PLXNA4: variants seen among roughly 807,000 people sequenced by gnomAD.
The protein encoded by PLXNA4 is plexin A4, also known as plexin-A4.
PLXNA4 carries 44 observed loss-of-function variants against 191.8 expected under a neutral mutation model. That is an observed-to-expected ratio of 0.23 (90% confidence interval 0.18 to 0.29). The LOEUF is 0.29. Ranked by LOEUF, PLXNA4 falls within the 10% of genes least tolerant of loss-of-function variation. The probability of loss-of-function intolerance (pLI) is 1.00; values close to 1 mark genes in which losing one functional copy is unlikely to be tolerated. For missense variants in PLXNA4, 1,800 were observed against 2,488.8 expected, an observed-to-expected ratio of 0.72 and a Z score of 5.89; for synonymous variants, 1,082 against 1,009.5, an observed-to-expected ratio of 1.07 and a Z score of -1.36.
Position 132,215,509 on chromosome 7 carries a change from C to T in PLXNA4, c.2098-4366G>A, listed in dbSNP as rs150451448. On this transcript the variant is annotated intron_variant, in intron 9 of 31. Transcript: ENST00000321063. ...TTCTGAATGATTGGTGGAAAAGGAG[C>T]ATCTTTTGTTATTCACAGCAAGCCC... 6.6e-5 allele frequency among the ~76,000 whole-genome samples: 10 copies of T among 152,322 alleles called. No individual in the cohort carries two copies. The East Asian group carries it at 1.7e-3, about 26-fold the overall frequency.
chr7:132,287,930 T>C (rs968790491), intron 4 of PLXNA4, among the ~76,000 whole-genome samples: 1 of 152,190 alleles, frequency 6.6e-6, no homozygotes, highest in Non-Finnish European at 1.5e-5. Context: ...TCTGCACTGC[T>C]CCACCACCCC....
chr7:132,638,093 A>T lies in PLXNA4; in HGVS notation c.-87+7835T>A, dbSNP rs1296669324. On this transcript the variant is annotated intron_variant, in intron 2 of 4. Transcript: ENST00000378539. Reference sequence around the variant, plus strand: ...CAGGCTGAAGCCTGGGCTCTCATCCACCCCTAGGGTCTGTGCTGCCACAAC... The same window carrying T: ...CAGGCTGAAGCCTGGGCTCTCATCCTCCCCTAGGGTCTGTGCTGCCACAAC... 4.0e-5 allele frequency among the ~76,000 whole-genome samples: 6 copies of T among 151,610 alleles called. No homozygotes were observed. The South Asian group carries it at 1.0e-3, about 26-fold the overall frequency.
intron 12 of PLXNA4, among the ~76,000 whole-genome samples, chr7:132,202,374 G>C (rs1797466042): frequency 6.6e-6 from 1 of 152,178 alleles, no homozygotes; most frequent in African/African-American, 2.4e-5. Context: ...CGAGGACTGA[G>C]TCCTTTTTGA....
At chr7:132,437,283 T>A (rs1485432624) in intron 3 of PLXNA4, among the ~76,000 whole-genome samples, 2 of 152,142 alleles carry the variant, frequency 1.3e-5, no homozygotes, top group Non-Finnish European at 2.9e-5. Flanking sequence ...TCCTGAAAAG[T>A]CCAGGCCTGT....
At chr7:132,187,717 G>T (rs1796926419) in intron 14 of PLXNA4, 110 bp from the exon 15 acceptor site, 8 of 1,462,126 alleles carry the variant, frequency 5.5e-6, no homozygotes, top group Non-Finnish European at 7.2e-6. Context: ...GGAATCTTTG[G>T]TAACAGTGGT....
chr7:132,361,849 G>A (rs778199406), intron 3 of PLXNA4, among the ~76,000 whole-genome samples: 23 of 152,074 alleles, frequency 1.5e-4, no homozygotes, highest in Admixed American at 5.2e-4. Context: ...GCACGCGTGC[G>A]TGAAAAAAAG....
chr7:132,124,239 C>A lies in PLXNA4; in HGVS notation c.*6240G>T, dbSNP rs981162868. The A allele has an allele frequency of 6.6e-6, 1 of 152,198 alleles. No individual in the cohort carries two copies. The highest frequency in any genetic ancestry group is 2.4e-5 in the African/African-American group (1 of 41,440). The allele number at this position is 152,198 out of a possible 1,614,324, so 9.4% of individuals were successfully genotyped here. A position where few individuals can be genotyped will look rare whatever the true frequency, so the allele number is the denominator to read the frequency against. ...AACAAGATTCTTTGAGGTAAGCTAG[C>A]TTTTCATTTTAAGAACAGAAGGTTT... On this transcript the variant is annotated 3_prime_UTR_variant, in exon 32 of 32. Transcript: ENST00000321063.
At chr7:132,155,137 T>C (rs1795754339) in intron 25 of PLXNA4, among the ~76,000 whole-genome samples, 1 of 152,194 alleles carries the variant, frequency 6.6e-6, no homozygotes, top group Non-Finnish European at 1.5e-5. Context: ...GGTGGAGTTC[T>C]GGGGGCTATT....
At chr7:132,600,162 A>T (rs893215082) in intron 2 of PLXNA4, among the ~76,000 whole-genome samples, 1 of 152,078 alleles carries the variant, frequency 6.6e-6, no homozygotes, top group Non-Finnish European at 1.5e-5. Context: ...CCTCATTTTG[A>T]AATAAAAACT....
chr7:132,210,836 G>A (rs956210919), intron 10 of PLXNA4, 107 bp downstream of exon 10: 5 of 1,266,194 alleles, frequency 3.9e-6, no homozygotes, highest in Non-Finnish European at 5.5e-6. Context: ...TTTTGTGCGT[G>A]TTGAGGAAAC....
intron 4 of PLXNA4, among the ~76,000 whole-genome samples, chr7:132,286,422 C>A (rs1351999923): frequency 6.6e-6 from 1 of 152,156 alleles, no homozygotes; most frequent in African/African-American, 2.4e-5. Flanking sequence ...TAACAGGACA[C>A]CGGCGCTAAG....
intron 3 of PLXNA4, chr7:132,365,929 T>C (rs1164908536): frequency 6.6e-6 from 1 of 152,158 alleles, no homozygotes; most frequent in Non-Finnish European, 1.5e-5. Flanking sequence ...TTCAGGGAGC[T>C]TGGGGACTCC....
intron 9 of PLXNA4, among the ~76,000 whole-genome samples, chr7:132,216,261 A>T (rs1797959410): frequency 1.3e-5 from 2 of 152,226 alleles, no homozygotes. Flanking sequence ...TTTTAGTCCC[A>T]GTTCTATCCA....
At chr7:132,585,803 G>T (rs74551625) in intron 2 of PLXNA4, among the ~76,000 whole-genome samples, 2 of 152,010 alleles carry the variant, frequency 1.3e-5, no homozygotes, top group Admixed American at 1.3e-4. Flanking sequence ...ATAAGGACTC[G>T]ATCCATCATG....
At chr7:132,327,054 A>AAAGGAGGGAGGGAGAGAAGG in intron 3 of PLXNA4, among the ~76,000 whole-genome samples, 1 of 148,768 alleles carries the variant, frequency 6.7e-6, no homozygotes, top group African/African-American at 2.5e-5. Context: ...GGGAGAGAAG[A>AAAGGAGGGAGGGAGAGAAGG]AAGGAGGGAG....
intron 3 of PLXNA4, among the ~76,000 whole-genome samples, chr7:132,312,971 G>T (rs1031299572): frequency 3.9e-5 from 6 of 152,172 alleles, no homozygotes; most frequent in Non-Finnish European, 8.8e-5. Context: ...AGAGAGGGAA[G>T]GCTTACCCTC....
At chr7:132,554,281 G>A (rs1182613864) in intron 1 of PLXNA4, among the ~76,000 whole-genome samples, 1 of 152,162 alleles carries the variant, frequency 6.6e-6, no homozygotes, top group Non-Finnish European at 1.5e-5. Context: ...TGACAATGAG[G>A]TGCCCCTTTT....
At chr7:132,533,518 C>A (rs975710034) in intron 1 of PLXNA4, among the ~76,000 whole-genome samples, 1 of 152,246 alleles carries the variant, frequency 6.6e-6, no homozygotes, top group African/African-American at 2.4e-5. Flanking sequence ...CCATCCACAT[C>A]AGGACTCCCC....
intron 2 of PLXNA4, among the ~76,000 whole-genome samples, chr7:132,609,707 G>A (rs972281191): frequency 6.6e-6 from 1 of 152,202 alleles, no homozygotes; most frequent in Admixed American, 6.5e-5. Flanking sequence ...CAGCTAGTAA[G>A]TACCAGAGCT....
Sources: allele counts gnomAD v4.1 joint callset (sites outside exome capture counted in the v4.1 genomes callset), GRCh38; gene constraint gnomAD v4.1.1; transcripts MANE v1.5; gene names NCBI Gene and HGNC (gene_info 2026-07-23, HGNC 2026-07-21).